The following PRKAR2B variants were observed in gnomAD, a reference collection of about 807,000 sequenced individuals.
The protein encoded by PRKAR2B is protein kinase cAMP-dependent type II regulatory subunit beta.
A neutral mutation model predicts 49.9 loss-of-function variants in PRKAR2B; 14 were observed. The ratio of observed to expected loss-of-function variants is 0.28; its 90% CI spans 0.19 to 0.44. PRKAR2B has a LOEUF of 0.44. Among genes scored for constraint, PRKAR2B ranks in the 20% least tolerant of loss-of-function variants. The probability of loss-of-function intolerance (pLI) is 1.00; values close to 1 mark genes in which losing one functional copy is unlikely to be tolerated. For synonymous variants in PRKAR2B, 196 were observed against 197.7 expected, an observed-to-expected ratio of 0.99 and a Z score of 0.07; for missense variants, 393 against 537.9, an observed-to-expected ratio of 0.73 and a Z score of 2.67.
At chr7:107,060,031 A>G (rs930730584) in intron 1 of PRKAR2B, among the ~76,000 whole-genome samples, 6 of 145,784 alleles carry the variant, frequency 4.1e-5, no homozygotes, top group Non-Finnish European at 8.9e-5. Flanking sequence ...TCTAAATTTT[A>G]CTAAGTTTTG....
rs769857404 is a variant in PRKAR2B at position 107,150,954 on chromosome 7, A to G, written c.774A>G (p.Lys258=). 2 of 1,600,288 alleles carry G rather than the reference A, an allele frequency of 1.2e-6. No homozygotes were observed. Among genetic ancestry groups the G allele is most frequent in the African/African-American group, 2.7e-5 (2 of 73,852 alleles). Residue 258 remains lysine, a synonymous_variant, in exon 7 of 11, where the codon AAA becomes AAG. Coordinates refer to ENST00000265717, the MANE Select transcript of PRKAR2B (RefSeq NM_002736.3). Reference sequence around the variant, plus strand: ...TAACCTTCAGGAGAATAATTGTGAAAAACAATGCCAAAAAGAGAAAAATGT... The same window carrying G: ...TAACCTTCAGGAGAATAATTGTGAAGAACAATGCCAAAAAGAGAAAAATGT... ...DRVTFRRIIV[K]NNAKKRKMYE...
chr7:107,112,003 CAAAA>C (rs71134251), intron 2 of PRKAR2B, among the ~76,000 whole-genome samples: 88 of 46,182 alleles, frequency 1.9e-3, no homozygotes, highest in Non-Finnish European at 2.8e-3. Flanking sequence ...CCTCCTCTAC[CAAAA>C]AAAAAAAAAA....
At chr7:107,099,240 C>A (rs1001147951) in intron 2 of PRKAR2B, among the ~76,000 whole-genome samples, 1 of 152,214 alleles carries the variant, frequency 6.6e-6, no homozygotes, top group African/African-American at 2.4e-5. Context: ...CCTAGCCTCG[C>A]TGCCGCCTTG....
intron 1 of PRKAR2B, among the ~76,000 whole-genome samples, chr7:107,059,716 G>GTGTGTGTA (rs1258346505): frequency 6.6e-6 from 1 of 151,908 alleles, no homozygotes; most frequent in Non-Finnish European, 1.5e-5. Flanking sequence ...GTGTGTGTGT[G>GTGTGTGTA]TGTATGTGTG....
At chr7:107,063,172 T>A (rs1188044528) in intron 1 of PRKAR2B, among the ~76,000 whole-genome samples, 1 of 152,052 alleles carries the variant, frequency 6.6e-6, no homozygotes. Context: ...CCTGGCTAAT[T>A]TTTGTATTTT....
intron 2 of PRKAR2B, among the ~76,000 whole-genome samples, chr7:107,117,606 G>A (rs575075412): frequency 1.1e-4 from 16 of 152,126 alleles, no homozygotes; most frequent in Non-Finnish European, 2.2e-4. Flanking sequence ...GCCAGGATGC[G>A]AATATGGGTC....
intron 3 of PRKAR2B, among the ~76,000 whole-genome samples, chr7:107,123,959 ATGCT>A (rs1795435759): frequency 6.6e-6 from 1 of 152,206 alleles, no homozygotes; most frequent in Admixed American, 6.5e-5. Context: ...ACCATACCAC[ATGCT>A]TGGGAATGAT....
chr7:107,061,733 G>C (rs1794030697), intron 1 of PRKAR2B, among the ~76,000 whole-genome samples: 1 of 152,074 alleles, frequency 6.6e-6, no homozygotes. Flanking sequence ...ATGAAACCCT[G>C]TCTCCACTAA....
intron 6 of PRKAR2B, 39 bp from the exon 7 acceptor site, chr7:107,150,883 A>AC: frequency 2.0e-6 from 2 of 1,019,088 alleles, no homozygotes; most frequent in African/African-American, 3.3e-5. Flanking sequence ...GTATAGCTTT[A>AC]CCCCCATAAA....
At chr7:107,059,252 G>A (rs777938991) in intron 1 of PRKAR2B, among the ~76,000 whole-genome samples, 1 of 151,854 alleles carries the variant, frequency 6.6e-6, no homozygotes, top group Non-Finnish European at 1.5e-5. Flanking sequence ...GTGGGTGACA[G>A]AGTAAGACTC....
intron 1 of PRKAR2B, chr7:107,069,507 A>G (rs1405053122): frequency 6.6e-6 from 1 of 152,184 alleles, no homozygotes; most frequent in Non-Finnish European, 1.5e-5. Context: ...TTTATATAAC[A>G]TGAGCCAGAA....
intron 2 of PRKAR2B, among the ~76,000 whole-genome samples, chr7:107,117,705 C>A (rs1489505852): frequency 1.3e-5 from 2 of 149,310 alleles, no homozygotes; most frequent in Non-Finnish European, 3.0e-5. Flanking sequence ...AGTGAAAAAT[C>A]CTGGAAGTTG....
At chr7:107,079,668 A>G (rs1794479524) in intron 2 of PRKAR2B, 3 of 152,160 alleles carry the variant, frequency 2.0e-5, no homozygotes, top group African/African-American at 4.8e-5. Flanking sequence ...ATTCCCTGCC[A>G]TCAGCTTCCT....
intron 2 of PRKAR2B, among the ~76,000 whole-genome samples, chr7:107,119,860 T>A (rs999498024): frequency 1.3e-5 from 2 of 152,242 alleles, no homozygotes; most frequent in African/African-American, 4.8e-5. Context: ...AATGTGAGCC[T>A]GCTTCTGCAT....
At chr7:107,086,342 TA>T (rs1368946478) in intron 2 of PRKAR2B, among the ~76,000 whole-genome samples, 1 of 152,172 alleles carries the variant, frequency 6.6e-6, no homozygotes, top group Non-Finnish European at 1.5e-5. Flanking sequence ...GCCCAGCTCA[TA>T]AGGTATGGTT....
At chr7:107,085,682 C>T (rs62483580) in intron 2 of PRKAR2B, among the ~76,000 whole-genome samples, 59,761 of 151,894 alleles carry the variant, frequency 0.39, 14,470 homozygotes, top group Non-Finnish European at 0.51. Flanking sequence ...ATTTTTTGAA[C>T]ATTGTCTTTT....
intron 4 of PRKAR2B, among the ~76,000 whole-genome samples, chr7:107,139,513 G>A (rs984236812): frequency 6.6e-6 from 1 of 152,164 alleles, no homozygotes; most frequent in East Asian, 1.9e-4. Flanking sequence ...AAATCAGTCC[G>A]CTTGTCTTTA....
intron 4 of PRKAR2B, among the ~76,000 whole-genome samples, chr7:107,134,984 C>A (rs968654236): frequency 6.6e-6 from 1 of 151,814 alleles, no homozygotes; most frequent in Non-Finnish European, 1.5e-5. Flanking sequence ...AATAGGACTT[C>A]ACACAGATGT....
At chr7:107,114,826 A>G (rs1795241961) in intron 2 of PRKAR2B, among the ~76,000 whole-genome samples, 1 of 152,140 alleles carries the variant, frequency 6.6e-6, no homozygotes, top group Non-Finnish European at 1.5e-5. Flanking sequence ...ATGTTAATTA[A>G]TTATACAGTC....
Sources: gnomAD v4.1 joint callset for allele counts (sites outside exome capture counted in the v4.1 genomes callset) on GRCh38, gnomAD v4.1.1 for gene constraint, MANE v1.5 for transcripts, NCBI Gene and HGNC (gene_info 2026-07-23, HGNC 2026-07-21) for gene names.